OLFML2A: variants seen among roughly 807,000 people sequenced by gnomAD.
OLFML2A encodes the protein olfactomedin like 2A, also known as olfactomedin-like protein 2A.
Under a neutral mutation model 60.9 loss-of-function variants are expected in OLFML2A, and 47 were observed. The observed-to-expected ratio is 0.77, with a 90% CI of 0.61 to 0.98. The LOEUF is 0.98. OLFML2A is among the 50% of genes least tolerant of loss of function. OLFML2A has a pLI of 0.00. For missense variants in OLFML2A, 922 were observed against 879.8 expected, an observed-to-expected ratio of 1.05 and a Z score of -0.61; for synonymous variants, 372 against 375.0, an observed-to-expected ratio of 0.99 and a Z score of 0.09.
intron 1 of OLFML2A, among the ~76,000 whole-genome samples, chr9:124,778,264 G>A (rs972424523): frequency 6.6e-6 from 1 of 152,004 alleles, no homozygotes; most frequent in Non-Finnish European, 1.5e-5. Context: ...CGGAAGCTGA[G>A]GTAGGAGAAT....
At chr9:124,785,038 T>C (rs1010640812) in intron 1 of OLFML2A, among the ~76,000 whole-genome samples, 24 of 143,112 alleles carry the variant, frequency 1.7e-4, no homozygotes, top group Admixed American at 1.5e-3. Context: ...ACTGCAGGCT[T>C]GACCTCCCAG....
At chr9:124,803,199 G>A (rs981661853) in intron 5 of OLFML2A, among the ~76,000 whole-genome samples, 20 of 152,090 alleles carry the variant, frequency 1.3e-4, no homozygotes, top group Admixed American at 5.2e-4. Context: ...ATGAGCCACC[G>A]CGCCCGGCCG....
At chr9:124,799,623 CAG>C (rs1235287282) in intron 4 of OLFML2A, 132 bp downstream of exon 4, 5 of 716,884 alleles carry the variant, frequency 7.0e-6, no homozygotes, top group Non-Finnish European at 9.3e-6. Context: ...CTGGCACAGC[CAG>C]AGAGTCCCTG....
chr9:124,808,373 G>T (rs891125037), intron 7 of OLFML2A, among the ~76,000 whole-genome samples: 1 of 152,204 alleles, frequency 6.6e-6, no homozygotes, highest in Non-Finnish European at 1.5e-5. Flanking sequence ...TTATAGGTGC[G>T]CAGTGTCTCA....
At position 124,811,177 on chromosome 9, in the gene OLFML2A, A is replaced by T. The variant is rs985318698; in HGVS notation, c.*765A>T. 6.6e-6 allele frequency: 1 copy of T among 152,418 alleles called. No homozygotes were observed. The highest frequency in any genetic ancestry group is 2.4e-5 in the African/African-American group (1 of 41,366). 9.4% of individuals were successfully genotyped at this position (152,418 alleles called of 1,614,324 possible). Reference sequence around the variant, plus strand: ...TCTATGCTCATTTTTATTTTCTCTTATTCTTCATCAGTGCCGTCATTTGTT... The same window carrying T: ...TCTATGCTCATTTTTATTTTCTCTTTTTCTTCATCAGTGCCGTCATTTGTT... On this transcript the variant is annotated 3_prime_UTR_variant, in exon 8 of 8. Coordinates refer to ENST00000373580, the MANE Select transcript of OLFML2A (RefSeq NM_182487.4).
At position 124,787,063 on chromosome 9, in the gene OLFML2A, C is replaced by A; in HGVS notation, c.179C>A (p.Ala60Glu). 1.2e-6 allele frequency: 2 copies of A among 1,614,056 alleles called. No homozygotes were observed. The highest frequency in any genetic ancestry group is 1.7e-6 in the Non-Finnish European group (2 of 1,180,026). ...KCIMRPLSKD[A>E]CSRVRSGRAR... ...ATCATGCGGCCCCTGAGCAAGGACG[C>A]GTGTAGCCGAGTGCGCAGTGGGCGG... The change falls in exon 2 of 8, where the codon GCG becomes GAG. Residue 60 changes from alanine to glutamate, a missense_variant. Transcript: ENST00000373580.
Position 124,795,447 on chromosome 9 carries a change from G to A in OLFML2A, c.462+316G>A, listed in dbSNP as rs1212931909. Among the ~76,000 whole-genome samples the A allele has an allele frequency of 3.3e-5, 5 of 152,326 alleles. No homozygotes were observed. The South Asian group carries it at 1.0e-3, about 32-fold the overall frequency. ...ACCAAGATCAGGACCCACAATTCTG[G>A]GGGTACCATTCGCACAAGATTCCTT... is the stretch of plus-strand genomic sequence containing the variant. On this transcript the variant is annotated intron_variant, in intron 3 of 7. Coordinates refer to ENST00000373580, the MANE Select transcript of OLFML2A (RefSeq NM_182487.4).
chr9:124,804,370 A>T, intron 6 of OLFML2A, 28 bp downstream of exon 6: 1 of 1,504,842 alleles, frequency 6.6e-7, no homozygotes, highest in Non-Finnish European at 8.9e-7. Context: ...GAGTCAGCAC[A>T]CTGTAGCCTG....
At chr9:124,803,610 G>A (rs1200521493) in intron 5 of OLFML2A, among the ~76,000 whole-genome samples, 3 of 152,222 alleles carry the variant, frequency 2.0e-5, no homozygotes, top group South Asian at 4.1e-4. Flanking sequence ...TCTGGCAGCA[G>A]CTGCATTTTC....
At position 124,810,114 on chromosome 9, in the gene OLFML2A, AC is replaced by A; in HGVS notation, c.1665del (p.Gly556AlafsTer139). The A allele has an allele frequency of 6.2e-7, 1 of 1,613,316 alleles. No individual in the cohort carries two copies. The highest frequency in any genetic ancestry group is 8.5e-7 in the Non-Finnish European group (1 of 1,179,924). ...QPEVIVLSRL[D>X]PGDLSVHRET... ...GAGGTGATCGTCCTGAGTCGCTTGGACCCCGGCGATCTCTCCGTGCACCGGG... is the reference window on the plus strand; with the variant it reads ...GAGGTGATCGTCCTGAGTCGCTTGGACCCGGCGATCTCTCCGTGCACCGGG... On this transcript the variant is annotated frameshift_variant, in exon 8 of 8. Coordinates refer to ENST00000373580, the MANE Select transcript of OLFML2A (RefSeq NM_182487.4). LOFTEE classifies it high-confidence loss of function.
chr9:124,803,654 G>A (rs148971783), intron 5 of OLFML2A, among the ~76,000 whole-genome samples: 5 of 152,346 alleles, frequency 3.3e-5, no homozygotes, highest in Admixed American at 1.3e-4. Flanking sequence ...CCTGTAAAAC[G>A]GGAACAAGAG....
chr9:124,814,733 C>T lies in OLFML2A; in HGVS notation c.*4321C>T, dbSNP rs144817532. 13 of 152,230 alleles carry T rather than the reference C, an allele frequency of 8.5e-5. 1 individual carries two copies. The East Asian group carries it at 1.7e-3, about 20-fold the overall frequency. 9.4% of individuals were successfully genotyped at this position (152,230 alleles called of 1,614,324 possible). A position where few individuals can be genotyped will look rare whatever the true frequency, so the allele number is the denominator to read the frequency against. On this transcript the variant is annotated 3_prime_UTR_variant, in exon 8 of 8. Transcript: ENST00000373580. ...ATTGTGCTGAGTCTCCTACTAGACT[C>T]GCTTCATTCTAGCTTTCTGCTTTTA...
chr9:124,809,772 C>G (rs750739205), intron 7 of OLFML2A, 36 bp from the exon 8 acceptor site: 2 of 1,556,166 alleles, frequency 1.3e-6, no homozygotes, highest in East Asian at 2.3e-5. Context: ...TGGGGTTGCT[C>G]GGGAGGTCTG....
intron 3 of OLFML2A, among the ~76,000 whole-genome samples, chr9:124,795,825 A>G (rs927007643): frequency 2.6e-5 from 4 of 152,204 alleles, no homozygotes; most frequent in African/African-American, 9.6e-5. Flanking sequence ...ACATGGCAGG[A>G]CTGACCGAGC....
At chr9:124,778,356 G>C (rs956783866) in intron 1 of OLFML2A, among the ~76,000 whole-genome samples, 15 of 148,460 alleles carry the variant, frequency 1.0e-4, no homozygotes, top group Admixed American at 1.0e-3. Context: ...GCGAGACTCC[G>C]TGTCAAAAAA....
At position 124,801,609 on chromosome 9, in the gene OLFML2A, C is replaced by T. The variant is rs961076024; in HGVS notation, c.865C>T (p.Arg289Trp). 10 of 1,613,712 alleles carry T rather than the reference C, an allele frequency of 6.2e-6. No homozygotes were observed. The highest frequency in any genetic ancestry group is 1.6e-4 in the Middle Eastern group (1 of 6,084). ...RALAQQQAVI[R>W]GFTYYKAGKQ... ...CCTGGCCCAGCAGCAGGCTGTGATC[C>T]GGGGCTTCACCTACTACAAGGCAGG... The change falls in exon 5 of 8, where the codon CGG becomes TGG. Residue 289 changes from arginine to tryptophan, a missense_variant. Physicochemically the swap from Arg to Trp is moderately radical, Grantham distance 101. Coordinates refer to ENST00000373580, the MANE Select transcript of OLFML2A (RefSeq NM_182487.4).
At chr9:124,801,339 C>T in intron 4 of OLFML2A, 75 bp from the exon 5 acceptor site, 2 of 1,502,166 alleles carry the variant, frequency 1.3e-6, no homozygotes, top group Non-Finnish European at 1.8e-6. Flanking sequence ...CCAGTCCCCA[C>T]ATGCTGAGCC....
chr9:124,782,744 C>G (rs1407807686), intron 1 of OLFML2A, among the ~76,000 whole-genome samples: 5 of 152,176 alleles, frequency 3.3e-5, no homozygotes, highest in Non-Finnish European at 5.9e-5. Context: ...CTTGGCCGCC[C>G]CCATCAGGAG....
At chr9:124,795,184 G>A in intron 3 of OLFML2A, 53 bp downstream of exon 3, 1 of 1,169,092 alleles carries the variant, frequency 8.6e-7, no homozygotes, top group Non-Finnish European at 1.2e-6. Context: ...TGGGGGCCAA[G>A]GGCACTGTCC....
Sources: gnomAD v4.1 joint callset for allele counts (sites outside exome capture counted in the v4.1 genomes callset) on GRCh38, gnomAD v4.1.1 for gene constraint, MANE v1.5 for transcripts, NCBI Gene and HGNC (gene_info 2026-07-23, HGNC 2026-07-21) for gene names.